REPS1: variants seen among roughly 807,000 people sequenced by gnomAD.
REPS1 encodes the protein ralBP1-associated Eps domain-containing protein 1.
Under a neutral mutation model 100.9 loss-of-function variants are expected in REPS1, and 39 were observed. The observed-to-expected ratio is 0.39, with a 90% CI of 0.30 to 0.50. The LOEUF (loss-of-function observed/expected upper bound fraction) is 0.50. Among genes scored for constraint, REPS1 ranks in the 20% least tolerant of loss-of-function variants. The probability of loss-of-function intolerance (pLI) is 0.86; values close to 1 mark genes in which losing one functional copy is unlikely to be tolerated. For synonymous variants in REPS1, 324 were observed against 340.3 expected, an observed-to-expected ratio of 0.95 and a Z score of 0.53; for missense variants, 821 against 968.5, an observed-to-expected ratio of 0.85 and a Z score of 2.02.
chr6:138,932,656 A>C (rs1322942504), intron 8 of REPS1, among the ~76,000 whole-genome samples: 1 of 152,244 alleles, frequency 6.6e-6, no homozygotes, highest in African/African-American at 2.4e-5. Flanking sequence ...GTCTCAGAGA[A>C]AAGTACTTGT....
chr6:138,932,628 T>C lies in REPS1; in HGVS notation c.1136-2530A>G, dbSNP rs139711091. Among the ~76,000 whole-genome samples, 745 of 152,338 alleles carry C rather than the reference T, an allele frequency of 4.9e-3. 6 individuals are homozygous for C. Among genetic ancestry groups the C allele is most frequent in the African/African-American group, 0.017 (688 of 41,576 alleles). On this transcript the variant is annotated intron_variant, in intron 8 of 19. Coordinates refer to ENST00000450536, the MANE Select transcript of REPS1 (RefSeq NM_001286611.2). The stretch of plus-strand genomic sequence containing the variant: ...ACATACACACAGCATTTCTGCTGCA[T>C]ATGTAAGTACAATGGTTGTCTCAGA...
intron 10 of REPS1, among the ~76,000 whole-genome samples, chr6:138,921,644 T>G (rs1303442566): frequency 6.8e-6 from 1 of 147,618 alleles, no homozygotes; most frequent in African/African-American, 2.5e-5. Flanking sequence ...TGGCGTGATC[T>G]TGGCTCACTG....
chr6:138,947,539 A>C (rs1782720385), intron 2 of REPS1, among the ~76,000 whole-genome samples: 1 of 152,226 alleles, frequency 6.6e-6, no homozygotes, highest in Non-Finnish European at 1.5e-5. Context: ...AATTCTTAAA[A>C]AATTGCCATT....
chr6:138,979,180 C>CAAAAAAAA lies in REPS1; in HGVS notation c.153+8342_153+8349dup, dbSNP rs568626153. On this transcript the variant is annotated intron_variant, in intron 1 of 19. Coordinates refer to ENST00000450536, the MANE Select transcript of REPS1 (RefSeq NM_001286611.2). Reference sequence around the variant, plus strand: ...TGGGCGACAGAGCGAGAATCCATCACAAAAAAAAAAAAAAAAACAAAAAAA... The same window carrying CAAAAAAAA: ...TGGGCGACAGAGCGAGAATCCATCACAAAAAAAAAAAAAAAAAAAAAAAAACAAAAAAA... 3.6e-3 allele frequency among the ~76,000 whole-genome samples: 214 copies of CAAAAAAAA among 59,234 alleles called. 14 individuals are homozygous for CAAAAAAAA. The highest frequency in any genetic ancestry group is 4.7e-3 in the Non-Finnish European group (161 of 34,296). 38.9% of individuals were successfully genotyped at this position (59,234 alleles called of 152,430 possible).
chr6:138,967,703 C>G (rs1001399157), intron 1 of REPS1, among the ~76,000 whole-genome samples: 2 of 152,106 alleles, frequency 1.3e-5, no homozygotes, highest in African/African-American at 4.8e-5. Flanking sequence ...ACTAAACACA[C>G]TCCATCCCCA....
At position 138,945,634 on chromosome 6, in the gene REPS1, G is replaced by A. The variant is rs1268657530; in HGVS notation, c.341C>T (p.Ala114Val). The change falls in exon 3 of 20, where the codon GCC becomes GTC. Residue 114 changes from alanine to valine, a missense_variant. Around this residue, in one of 3 missense-constraint regions of REPS1, gnomAD observed 757 missense variants for 866.4 expected, o/e 0.87. Coordinates refer to ENST00000450536, the MANE Select transcript of REPS1 (RefSeq NM_001286611.2). ...ATTTTCAGAATCTGAAGAATATGAG[G>A]CTGCATGGCGAGATTCCTGTTCATT... ...SKNEQESRHAASYSSDSENQG... is the reference protein window; with the variant it reads ...SKNEQESRHAVSYSSDSENQG... 3.1e-6 allele frequency: 5 copies of A among 1,613,440 alleles called. No individual in the cohort carries two copies. In the South Asian group the frequency reaches 5.5e-5, roughly 18 times the overall value.
chr6:138,960,957 T>G (rs1183052904), intron 1 of REPS1, among the ~76,000 whole-genome samples: 1 of 152,168 alleles, frequency 6.6e-6, no homozygotes, highest in African/African-American at 2.4e-5. Flanking sequence ...AAGCGTGAAT[T>G]TTATCATTAG....
At chr6:138,906,520 G>C (rs1409138426) in intron 19 of REPS1, among the ~76,000 whole-genome samples, 1 of 152,168 alleles carries the variant, frequency 6.6e-6, no homozygotes, top group African/African-American at 2.4e-5. Context: ...AAACAGAAAT[G>C]ATTATGATTT....
chr6:138,969,317 C>A (rs181696552), intron 1 of REPS1, among the ~76,000 whole-genome samples: 8 of 103,814 alleles, frequency 7.7e-5, no homozygotes, highest in Non-Finnish European at 1.5e-4. Flanking sequence ...CTCGCTCTGT[C>A]TCCCAGGTCT....
intron 8 of REPS1, chr6:138,934,452 C>G: frequency 2.7e-6 from 1 of 376,924 alleles, no homozygotes; most frequent in South Asian, 1.9e-5. Context: ...TCACACTGAC[C>G]TACGGCTTAT....
At chr6:138,942,486 G>A (rs1299342866) in intron 7 of REPS1, among the ~76,000 whole-genome samples, 1 of 152,108 alleles carries the variant, frequency 6.6e-6, no homozygotes, top group Non-Finnish European at 1.5e-5. Context: ...CTGTTGCCCA[G>A]GCTACAGTGC....
At chr6:138,937,938 A>C (rs888994544) in intron 8 of REPS1, among the ~76,000 whole-genome samples, 1 of 152,316 alleles carries the variant, frequency 6.6e-6, no homozygotes, top group East Asian at 1.9e-4. Flanking sequence ...GTGCTTTGCA[A>C]AGGAGAAGAT....
At chr6:138,921,480 C>T (rs567788358) in intron 10 of REPS1, among the ~76,000 whole-genome samples, 43 of 151,708 alleles carry the variant, frequency 2.8e-4, no homozygotes, top group Non-Finnish European at 5.4e-4. Flanking sequence ...TAGTGAAACC[C>T]TGTCTCTTCA....
chr6:138,907,709 T>G (rs546862430), intron 18 of REPS1, 109 bp from the exon 19 acceptor site: 2 of 692,632 alleles, frequency 2.9e-6, no homozygotes, highest in Non-Finnish European at 5.0e-6. Flanking sequence ...AAGAGCATCT[T>G]TTTCCTTACT....
intron 1 of REPS1, 115 bp downstream of exon 1, chr6:138,987,415 A>AC (rs1373882014): frequency 2.1e-5 from 24 of 1,119,778 alleles, no homozygotes; most frequent in South Asian, 3.5e-5. Context: ...CGCTGCGGGG[A>AC]CCCCCCGAGG....
At chr6:138,940,414 T>C (rs1241804295) in intron 8 of REPS1, among the ~76,000 whole-genome samples, 1 of 152,064 alleles carries the variant, frequency 6.6e-6, no homozygotes, top group Non-Finnish European at 1.5e-5. Flanking sequence ...TTAAGAAAAA[T>C]TTACTAATTT....
intron 8 of REPS1, chr6:138,934,256 G>A (rs969060110): frequency 1.5e-5 from 7 of 463,464 alleles, no homozygotes; most frequent in Non-Finnish European, 3.2e-5. Flanking sequence ...GCCTCCTGCT[G>A]GAACACTGTG....
intron 1 of REPS1, among the ~76,000 whole-genome samples, chr6:138,961,533 G>A (rs1783741067): frequency 6.6e-6 from 1 of 152,162 alleles, no homozygotes; most frequent in African/African-American, 2.4e-5. Context: ...GCATTCTTAA[G>A]TGAAACTGCT....
In REPS1 at chr6:138,973,496, CTG is replaced by C. The variant is rs531725845; in HGVS notation, c.153+14032_153+14033del. Among the ~76,000 whole-genome samples the C allele has an allele frequency of 2.1e-4, 32 of 150,720 alleles. No homozygotes were observed. In the South Asian group the frequency reaches 6.0e-3, roughly 28 times the overall value. Reference sequence around the variant, plus strand: ...TAAAACCTCAGCCAATATATAAAGACTGTAAAAAATTCTACTGGGAATCAGTC... The same window carrying C: ...TAAAACCTCAGCCAATATATAAAGACTAAAAAATTCTACTGGGAATCAGTC... On this transcript the variant is annotated intron_variant, in intron 1 of 19. Coordinates refer to ENST00000450536, the MANE Select transcript of REPS1 (RefSeq NM_001286611.2).
Sources: allele counts gnomAD v4.1 joint callset (sites outside exome capture counted in the v4.1 genomes callset), GRCh38; gene constraint gnomAD v4.1.1; regional missense constraint gnomAD v4.1.1; transcripts MANE v1.5; gene names NCBI Gene and HGNC (gene_info 2026-07-23, HGNC 2026-07-21).